The following CNTN5 variants were observed in gnomAD, a reference collection of about 807,000 sequenced individuals.
The protein encoded by CNTN5 is contactin-5.
Under a neutral mutation model 129.1 loss-of-function variants are expected in CNTN5, and 77 were observed. That is an observed-to-expected ratio of 0.60 (90% CI 0.50 to 0.72). CNTN5 has a LOEUF of 0.72. Among genes scored for constraint, CNTN5 ranks in the 30% least tolerant of loss-of-function variants. CNTN5 has a pLI of 0.00. For missense variants in CNTN5, 1,478 were observed against 1,328.8 expected (o/e 1.11, Z -1.75); for synonymous variants, 509 against 465.6 (o/e 1.09, Z -1.20).
intron 1 of CNTN5, among the ~76,000 whole-genome samples, chr11:99,118,342 T>A (rs944876473): frequency 2.0e-5 from 3 of 152,148 alleles, no homozygotes; most frequent in African/African-American, 7.2e-5. Flanking sequence ...TGTTGAGATA[T>A]CTTTTATCTA....
At chr11:99,803,917 T>C (rs1343810538) in intron 3 of CNTN5, among the ~76,000 whole-genome samples, 3 of 152,226 alleles carry the variant, frequency 2.0e-5, no homozygotes, top group Admixed American at 6.5e-5. Context: ...ACTCTTGCTC[T>C]TTCCAAGTGG....
chr11:99,162,270 A>C (rs1450435150), intron 1 of CNTN5, among the ~76,000 whole-genome samples: 1 of 117,862 alleles, frequency 8.5e-6, no homozygotes, highest in African/African-American at 2.7e-5. Flanking sequence ...GAGGGTTCCT[A>C]GACATGTTTT....
chr11:99,585,176 GA>G (rs1284780270), intron 3 of CNTN5, among the ~76,000 whole-genome samples: 1 of 152,212 alleles, frequency 6.6e-6, no homozygotes, highest in Non-Finnish European at 1.5e-5. Flanking sequence ...TTTACAGTAT[GA>G]AAAGTTCACT....
At chr11:99,835,868 G>A (rs986334123) in intron 4 of CNTN5, among the ~76,000 whole-genome samples, 3 of 152,152 alleles carry the variant, frequency 2.0e-5, no homozygotes, top group African/African-American at 4.8e-5. Context: ...AACTAGAGAA[G>A]ATGGTTTATC....
intron 3 of CNTN5, among the ~76,000 whole-genome samples, chr11:99,734,772 G>C (rs1239609658): frequency 6.6e-6 from 1 of 150,716 alleles, no homozygotes; most frequent in East Asian, 1.9e-4. Context: ...TCCAGTTGCT[G>C]GGTCCGGGGA....
chr11:100,117,539 A>C (rs560608517), intron 13 of CNTN5, among the ~76,000 whole-genome samples: 5 of 152,048 alleles, frequency 3.3e-5, no homozygotes, highest in African/African-American at 9.6e-5. Flanking sequence ...TCTACCACAT[A>C]GCATATGCTC....
At chr11:99,854,135 A>T (rs72991325) in intron 6 of CNTN5, among the ~76,000 whole-genome samples, 8,361 of 152,230 alleles carry the variant, frequency 0.055, 256 homozygotes, top group Middle Eastern at 0.071. Context: ...AATCAGTACA[A>T]ACCATTCTAT....
At chr11:99,848,939 G>C (rs1473353843) in intron 6 of CNTN5, among the ~76,000 whole-genome samples, 4 of 152,030 alleles carry the variant, frequency 2.6e-5, no homozygotes, top group Non-Finnish European at 5.9e-5. Flanking sequence ...CATTATTATT[G>C]TTATATCAAT....
chr11:99,022,797 A>G (rs1356676315), intron 1 of CNTN5, among the ~76,000 whole-genome samples: 1 of 152,190 alleles, frequency 6.6e-6, no homozygotes, highest in East Asian at 1.9e-4. Flanking sequence ...CTGAAAATAG[A>G]AAGTCAGTGA....
Position 99,298,820 on chromosome 11 carries a change from TA to T in CNTN5, c.-209-26523del, listed in dbSNP as rs536643312. On this transcript the variant is annotated intron_variant, in intron 1 of 24. Transcript: ENST00000524871. ...GACCAGAAACATTCCAACCCTGAGA[TA>T]AACCCCCCTCCAACCAGAGACATGC... Among the ~76,000 whole-genome samples the T allele has an allele frequency of 1.6e-4, 25 of 151,868 alleles. 1 individual carries two copies. The South Asian group carries it at 5.2e-3, about 32-fold the overall frequency.
intron 6 of CNTN5, among the ~76,000 whole-genome samples, chr11:99,914,051 C>T (rs922953269): frequency 6.6e-6 from 1 of 152,010 alleles, no homozygotes; most frequent in Non-Finnish European, 1.5e-5. Context: ...GTGTTGGCAA[C>T]ATAGCGAGAC....
At chr11:99,689,167 C>T (rs1183716131) in intron 3 of CNTN5, among the ~76,000 whole-genome samples, 1 of 152,086 alleles carries the variant, frequency 6.6e-6, no homozygotes, top group Non-Finnish European at 1.5e-5. Flanking sequence ...TTCTAGGTTT[C>T]TGAGAAATCG....
At chr11:99,889,291 GGTGTGTGTGTGTGT>G (rs71050029) in intron 6 of CNTN5, among the ~76,000 whole-genome samples, 5 of 33,222 alleles carry the variant, frequency 1.5e-4, no homozygotes, top group Non-Finnish European at 3.0e-4. Flanking sequence ...CTCCAGAGCA[GGTGTGTGTGTGTGT>G]GTGTGTGTGT....
At chr11:99,806,723 C>T (rs530300861) in intron 3 of CNTN5, among the ~76,000 whole-genome samples, 3 of 151,182 alleles carry the variant, frequency 2.0e-5, no homozygotes, top group Non-Finnish European at 4.4e-5. Context: ...AGGAGAATCC[C>T]TTGAACCTGG....
chr11:99,984,227 A>G (rs558110765), intron 8 of CNTN5, among the ~76,000 whole-genome samples: 1 of 152,228 alleles, frequency 6.6e-6, no homozygotes, highest in Non-Finnish European at 1.5e-5. Flanking sequence ...CAGTGAGCCA[A>G]GATTGTGCCA....
intron 16 of CNTN5, among the ~76,000 whole-genome samples, chr11:100,250,926 T>C (rs1425876534): frequency 6.6e-6 from 1 of 152,098 alleles, no homozygotes; most frequent in Non-Finnish European, 1.5e-5. Context: ...ACATAGGCGG[T>C]TGTTAAATGC....
intron 1 of CNTN5, among the ~76,000 whole-genome samples, chr11:99,211,603 C>A (rs937916480): frequency 6.6e-6 from 1 of 151,106 alleles, no homozygotes; most frequent in Non-Finnish European, 1.5e-5. Context: ...TTTAATTATG[C>A]AAGTTTCTTC....
At chr11:99,433,400 T>TGTGTGTGA (rs1943477901) in intron 2 of CNTN5, among the ~76,000 whole-genome samples, 1 of 26,306 alleles carries the variant, frequency 3.8e-5, no homozygotes, top group Admixed American at 5.9e-4. Context: ...TGTGTGTGTG[T>TGTGTGTGA]GTCTTTGTGT....
chr11:99,036,182 C>T (rs548617491), intron 1 of CNTN5, among the ~76,000 whole-genome samples: 16 of 151,910 alleles, frequency 1.1e-4, no homozygotes, highest in Non-Finnish European at 1.9e-4. Flanking sequence ...TTCAGAAATG[C>T]CATACAGTTG....
Sources: allele counts gnomAD v4.1 joint callset (sites outside exome capture counted in the v4.1 genomes callset), GRCh38; gene constraint gnomAD v4.1.1; transcripts MANE v1.5; gene names NCBI Gene and HGNC (gene_info 2026-07-23, HGNC 2026-07-21).